XPO5: variants seen among roughly 807,000 people sequenced by gnomAD.
The protein encoded by XPO5 is exportin 5, also known as exportin-5.
In XPO5, 46 loss-of-function variants were observed where a neutral mutation model predicts 160.6. The ratio of observed to expected loss-of-function variants is 0.29; its 90% confidence interval spans 0.23 to 0.37. XPO5 has a LOEUF of 0.37. XPO5 is among the 10% of genes least tolerant of loss of function. XPO5 has a pLI of 1.00. For missense variants in XPO5, 1,090 were observed against 1,463.9 expected, an observed-to-expected ratio of 0.74 and a Z score of 4.17; for synonymous variants, 537 against 519.3, an observed-to-expected ratio of 1.03 and a Z score of -0.46.
chr6:43,543,155 T>C (rs920338410), intron 20 of XPO5, among the ~76,000 whole-genome samples: 10 of 152,182 alleles, frequency 6.6e-5, no homozygotes, highest in Non-Finnish European at 1.0e-4. Flanking sequence ...TTCAAAAACC[T>C]GGACAAAATG....
intron 8 of XPO5, among the ~76,000 whole-genome samples, chr6:43,563,404 G>A (rs1264262186): frequency 6.6e-6 from 1 of 152,246 alleles, no homozygotes. Flanking sequence ...CAAAATATGG[G>A]GATTACAGGC....
In XPO5 at chr6:43,527,662, C is replaced by T; in HGVS notation, c.2892G>A (p.Met964Ile). The T allele has an allele frequency of 6.2e-7, 1 of 1,614,012 alleles. No individual in the cohort carries two copies. Among genetic ancestry groups the T allele is most frequent in the Non-Finnish European group, 8.5e-7 (1 of 1,179,902 alleles). Reference protein sequence around the residue: ...QEMLEEQLVRMLTREVMDLIT... With the variant: ...QEMLEEQLVRILTREVMDLIT... ...TTAGGTCCATGACTTCTCGGGTTAA[C>T]ATCCTCACCAGTTGCTCCTCCAGCA... Residue 964 changes from methionine (M) to isoleucine (I), a missense_variant, in exon 26 of 32, where the codon ATG (methionine) becomes ATA (isoleucine). By Grantham distance (10) the Met-to-Ile change is conservative. Coordinates refer to ENST00000265351, the MANE Select transcript of XPO5 (RefSeq NM_020750.3).
At position 43,525,095 on chromosome 6, in the gene XPO5, G is replaced by A. The variant is rs748397150; in HGVS notation, c.3174+12C>T. On this transcript the variant is annotated intron_variant, in intron 29 of 31. Transcript: ENST00000265351. ...TCCATGAGGGGCAGGGAAAAGGGGT[G>A]AATAACCATACTTGTTTGAGGAGAG... 2 of 1,569,830 alleles carry A rather than the reference G, an allele frequency of 1.3e-6. No homozygotes were observed. Among genetic ancestry groups the A allele is most frequent in the South Asian group, 2.3e-5 (2 of 85,718 alleles).
At chr6:43,558,310 G>A (rs1022423729) in intron 12 of XPO5, among the ~76,000 whole-genome samples, 191 bp downstream of exon 12, 4 of 152,074 alleles carry the variant, frequency 2.6e-5, no homozygotes, top group African/African-American at 4.8e-5. Flanking sequence ...GGTTTGTGGT[G>A]TAAAACAAAA....
chr6:43,566,577 G>A, intron 7 of XPO5: 1 of 364,602 alleles, frequency 2.7e-6, no homozygotes, highest in Non-Finnish European at 5.8e-6. Context: ...AGGAGGCTGA[G>A]GAGGGCAGAT....
In XPO5 at chr6:43,575,727, G is replaced by A; in HGVS notation, c.105+33C>T. On this transcript the variant is annotated intron_variant, in intron 1 of 31. Coordinates refer to ENST00000265351, the MANE Select transcript of XPO5 (RefSeq NM_020750.3). ...GCTGCTGGGGCTGGGAGAGGGTGTC[G>A]GGACCGGCCCAGGACGCCAGGACCC... 3.2e-6 allele frequency: 5 copies of A among 1,582,604 alleles called. No individual in the cohort carries two copies. In the African/African-American group the frequency reaches 5.4e-5, roughly 17 times the overall value.
rs1311443118 is a variant in XPO5, at chr6:43,523,880, G to C, written c.3603C>G (p.Ile1201Met). The change falls in exon 32 of 32, where the codon ATC (isoleucine) becomes ATG (methionine). Residue 1201 changes from isoleucine to methionine, a missense_variant. This residue lies in a region of XPO5 where 810 missense variants were observed against 1,139.0 expected (regional missense o/e 0.71). Coordinates refer to ENST00000265351, the MANE Select transcript of XPO5 (RefSeq NM_020750.3). ...CCAAAAGCTTGATTCAGGGTTCAAA[G>C]ATGGTGGCCAGGCCACCCCCATCAT... ...LDNDGGGLAT[I>M]FEP 9 of 1,614,036 alleles carry C rather than the reference G, an allele frequency of 5.6e-6. No individual in the cohort carries two copies. Among genetic ancestry groups the C allele is most frequent in the Non-Finnish European group, 7.6e-6 (9 of 1,179,894 alleles).
intron 20 of XPO5, among the ~76,000 whole-genome samples, chr6:43,534,334 T>TA (rs1321955701): frequency 6.6e-6 from 1 of 152,184 alleles, no homozygotes; most frequent in African/African-American, 2.4e-5. Context: ...CCACCAGTGA[T>TA]ACGGAATGAA....
intron 21 of XPO5, among the ~76,000 whole-genome samples, chr6:43,532,728 C>G (rs898071652): frequency 6.6e-6 from 1 of 152,238 alleles, no homozygotes; most frequent in African/African-American, 2.4e-5. Flanking sequence ...TGGGTTAGGT[C>G]TCCCGATAAA....
At chr6:43,539,579 G>C (rs59052112) in intron 20 of XPO5, 115,162 of 1,352,160 alleles carry the variant, frequency 0.085, 11,036 homozygotes, top group African/African-American at 0.47. Flanking sequence ...GCCCCGGCCC[G>C]GTCCACGGCT....
At chr6:43,530,941 TTG>T (rs1793934024) in intron 22 of XPO5, 117 bp from the exon 23 acceptor site, 3 of 1,303,602 alleles carry the variant, frequency 2.3e-6, no homozygotes, top group Non-Finnish European at 3.1e-6. Flanking sequence ...AGAAGAGCAG[TTG>T]TATTTACTTA....
At chr6:43,561,052 C>T in intron 9 of XPO5, 45 bp from the exon 10 acceptor site, 3 of 1,479,908 alleles carry the variant, frequency 2.0e-6, no homozygotes, top group Non-Finnish European at 2.8e-6. Flanking sequence ...TCGAGAAAAG[C>T]AGGAGAGGAA....
In XPO5 at chr6:43,555,927, T is replaced by A; in HGVS notation, c.1350A>T (p.Ala450=). 12 of 1,613,976 alleles carry A rather than the reference T, an allele frequency of 7.4e-6. No homozygotes were observed. Among genetic ancestry groups the A allele is most frequent in the African/African-American group, 1.3e-5 (1 of 75,048 alleles). Residue 450 remains alanine, a synonymous_variant, in exon 13 of 32, where the codon GCA becomes GCT. Transcript: ENST00000265351. ...AGCTAGTTTTGGGATCCAAACGACA[T>A]GCCAACCTCATCACCTCTCCTTGTT... ...RAQQGEVMRL[A]CRLDPKTSFQ... is the part of the protein sequence containing the mutation.
chr6:43,565,024 G>C (rs1157414721), intron 8 of XPO5, among the ~76,000 whole-genome samples: 2 of 151,210 alleles, frequency 1.3e-5, no homozygotes, highest in Non-Finnish European at 2.9e-5. Flanking sequence ...CCAGGTTCAA[G>C]ATACTCTCCT....
intron 13 of XPO5, 77 bp from the exon 14 acceptor site, chr6:43,553,580 C>CA (rs1561878586): frequency 6.7e-7 from 1 of 1,499,978 alleles, no homozygotes; most frequent in African/African-American, 1.4e-5. Context: ...GCAGAAGACA[C>CA]AGAGAGACAA....
intron 17 of XPO5, among the ~76,000 whole-genome samples, chr6:43,548,715 G>C (rs988562462): frequency 6.6e-6 from 1 of 150,812 alleles, no homozygotes; most frequent in East Asian, 1.9e-4. Flanking sequence ...AGATCAGCTT[G>C]TTTTATATAT....
chr6:43,527,436 G>C (rs1793667524), intron 26 of XPO5, 198 bp downstream of exon 26: 2 of 514,040 alleles, frequency 3.9e-6, no homozygotes, highest in Middle Eastern at 5.2e-4. Context: ...ACTACGCCCA[G>C]CTAATTTTTG....
chr6:43,550,066 G>A (rs1420928515), intron 15 of XPO5, 132 bp from the exon 16 acceptor site: 11 of 893,038 alleles, frequency 1.2e-5, no homozygotes, highest in Non-Finnish European at 1.8e-5. Flanking sequence ...GAGTAGCTGG[G>A]ACTACGGGCA....
At chr6:43,530,554 C>T in intron 23 of XPO5, 134 bp downstream of exon 23, 1 of 1,066,954 alleles carries the variant, frequency 9.4e-7, no homozygotes, top group Non-Finnish European at 1.3e-6. Context: ...TTTTTAATGA[C>T]ATGATACACT....
Sources: gnomAD v4.1 joint callset for allele counts (sites outside exome capture counted in the v4.1 genomes callset) on GRCh38, gnomAD v4.1.1 for gene constraint, gnomAD v4.1.1 regional missense constraint, MANE v1.5 for transcripts, NCBI Gene and HGNC (gene_info 2026-07-23, HGNC 2026-07-21) for gene names.